Variants in LINGO2 observed in about 807,000 individuals in gnomAD.
The protein encoded by LINGO2 is leucine rich repeat and Ig domain containing 2.
LINGO2 carries 14 observed loss-of-function variants against 30.6 expected under a neutral mutation model. The observed-to-expected ratio is 0.46, with a 90% CI of 0.30 to 0.72. LINGO2 has a LOEUF of 0.72. Ranked by LOEUF, LINGO2 falls within the 30% of genes least tolerant of loss-of-function variation. The probability of loss-of-function intolerance (pLI) is 0.07; values close to 1 mark genes in which losing one functional copy is unlikely to be tolerated. For missense variants in LINGO2, 729 were observed against 751.7 expected (o/e 0.97, Z 0.35); for synonymous variants, 317 against 288.5 (o/e 1.10, Z -1.00).
At chr9:28,285,163 T>C (rs766652149) in intron 4 of LINGO2, among the ~76,000 whole-genome samples, 11 of 152,188 alleles carry the variant, frequency 7.2e-5, no homozygotes, top group South Asian at 2.1e-4. Flanking sequence ...GACATTTGGC[T>C]TTAAACAAAT....
chr9:28,917,702 T>G, the LINGO2 span, among the ~76,000 whole-genome samples: 1 of 152,110 alleles, frequency 6.6e-6, no homozygotes, highest in East Asian at 1.9e-4. Context: ...TCTTCTTATT[T>G]TTGTTTTCAT....
the LINGO2 span, among the ~76,000 whole-genome samples, chr9:29,080,456 T>C: frequency 6.6e-6 from 1 of 152,184 alleles, no homozygotes. Flanking sequence ...CAGTCTGCTC[T>C]GATCTTAGTT....
At chr9:28,763,156 A>C in the LINGO2 span, among the ~76,000 whole-genome samples, 1 of 152,058 alleles carries the variant, frequency 6.6e-6, no homozygotes. Flanking sequence ...CACTGTCAAA[A>C]TTAAAAACAC....
chr9:28,009,523 T>TA (rs1192432458), intron 5 of LINGO2, among the ~76,000 whole-genome samples: 2 of 151,974 alleles, frequency 1.3e-5, no homozygotes, highest in African/African-American at 2.4e-5. Context: ...TATGACTCAA[T>TA]AAAATAACCC....
chr9:28,584,065 C>T (rs546880109), intron 1 of LINGO2, among the ~76,000 whole-genome samples: 1 of 151,938 alleles, frequency 6.6e-6, no homozygotes, highest in African/African-American at 2.4e-5. Context: ...GTTGGACTTC[C>T]CAGTCTCCAG....
At chr9:28,649,124 C>T (rs1368142945) in intron 1 of LINGO2, among the ~76,000 whole-genome samples, 1 of 152,062 alleles carries the variant, frequency 6.6e-6, no homozygotes, top group Non-Finnish European at 1.5e-5. Context: ...CACTTGAATG[C>T]CTATGTTTTC....
the LINGO2 span, among the ~76,000 whole-genome samples, chr9:29,170,348 A>G: frequency 6.6e-6 from 1 of 152,190 alleles, no homozygotes; most frequent in Non-Finnish European, 1.5e-5. Flanking sequence ...TGACTCATAA[A>G]CAAAAGGCAA....
intron 4 of LINGO2, among the ~76,000 whole-genome samples, chr9:28,181,013 T>C (rs996839462): frequency 6.6e-6 from 1 of 152,004 alleles, no homozygotes; most frequent in Non-Finnish European, 1.5e-5. Flanking sequence ...CGTGAGAAAA[T>C]GTACTGTTTG....
intron 4 of LINGO2, among the ~76,000 whole-genome samples, chr9:28,089,760 A>G (rs1826020992): frequency 6.6e-6 from 1 of 152,220 alleles, no homozygotes; most frequent in Non-Finnish European, 1.5e-5. Flanking sequence ...CCTTCAAAAA[A>G]ATCAATGAAT....
the LINGO2 span, among the ~76,000 whole-genome samples, chr9:29,001,208 C>T: frequency 6.6e-6 from 1 of 151,838 alleles, no homozygotes; most frequent in Admixed American, 6.6e-5. Context: ...GAAATGAGAT[C>T]TCGTTGTAGC....
chr9:27,980,564 A>C (rs2118895305), intron 5 of LINGO2, among the ~76,000 whole-genome samples: 1 of 152,034 alleles, frequency 6.6e-6, no homozygotes, highest in Non-Finnish European at 1.5e-5. Context: ...ATGTCTTTAA[A>C]CCATCTTTAT....
chr9:28,894,806 T>G, the LINGO2 span, among the ~76,000 whole-genome samples: 1 of 152,094 alleles, frequency 6.6e-6, no homozygotes, highest in Non-Finnish European at 1.5e-5. Flanking sequence ...GTTGAATGAC[T>G]AAATCAAGCT....
intron 5 of LINGO2, among the ~76,000 whole-genome samples, chr9:28,007,275 T>C (rs1482386075): frequency 6.6e-6 from 1 of 152,106 alleles, no homozygotes; most frequent in Non-Finnish European, 1.5e-5. Flanking sequence ...GAAATAGTGT[T>C]ATGTAAAATA....
chr9:28,331,426 T>A (rs977177726), intron 3 of LINGO2, among the ~76,000 whole-genome samples: 4 of 152,180 alleles, frequency 2.6e-5, no homozygotes, highest in African/African-American at 7.2e-5. Context: ...CCCTAAGATA[T>A]GCAAAGTAAA....
intron 3 of LINGO2, among the ~76,000 whole-genome samples, chr9:28,368,750 C>T (rs1820781122): frequency 6.6e-6 from 1 of 151,850 alleles, no homozygotes; most frequent in Non-Finnish European, 1.5e-5. Context: ...GCGCCCGCCA[C>T]CACGCCCGGC....
chr9:28,044,170 C>CT (rs572883622), intron 4 of LINGO2, among the ~76,000 whole-genome samples: 359 of 152,198 alleles, frequency 2.4e-3, no homozygotes, highest in African/African-American at 8.1e-3. Flanking sequence ...AAAGAATGGC[C>CT]TTTGTGAAAT....
At chr9:28,809,180 C>A in the LINGO2 span, among the ~76,000 whole-genome samples, 3 of 152,266 alleles carry the variant, frequency 2.0e-5, no homozygotes, top group East Asian at 3.9e-4. Flanking sequence ...ATTTAGAGAA[C>A]AGTATTCACT....
chr9:29,139,524 G>A, the LINGO2 span, among the ~76,000 whole-genome samples: 6 of 152,024 alleles, frequency 3.9e-5, no homozygotes, highest in Admixed American at 2.0e-4. Context: ...ATAGGAAGAT[G>A]GCAAAATATG....
At chr9:28,441,920 G>C (rs1259348696) in intron 2 of LINGO2, among the ~76,000 whole-genome samples, 1 of 151,986 alleles carries the variant, frequency 6.6e-6, no homozygotes, top group African/African-American at 2.4e-5. Context: ...ACTGAACTAA[G>C]ATACTCCCTA....
Sources: allele counts gnomAD v4.1 joint callset (sites outside exome capture counted in the v4.1 genomes callset), GRCh38; gene constraint gnomAD v4.1.1; transcripts MANE v1.5; gene names NCBI Gene and HGNC (gene_info 2026-07-23, HGNC 2026-07-21).